NXNL2: variants seen among roughly 807,000 people sequenced by gnomAD.
NXNL2 encodes nucleoredoxin-like protein 2.
In NXNL2, 7 loss-of-function variants were observed where a neutral mutation model predicts 11.1. That is an observed-to-expected ratio of 0.63 (90% confidence interval 0.36 to 1.18). NXNL2 has a LOEUF of 1.18. NXNL2 is among the 50% of genes most tolerant of loss of function. The pLI is 0.02. For missense variants in NXNL2, 233 were observed against 217.7 expected (o/e 1.07, Z -0.44); for synonymous variants, 109 against 101.8 (o/e 1.07, Z -0.42).
At chr9:88,579,278 G>A (rs148401433), downstream of NXNL2, among the ~76,000 whole-genome samples, 52 of 152,282 alleles carry the variant, frequency 3.4e-4, no homozygotes, top group African/African-American at 1.3e-3. Context: ...GGTTGCGGGA[G>A]GCCCCTGCAA....
chr9:88,557,918 T>C lies in NXNL2; in HGVS notation c.303-13169T>C, dbSNP rs527387518. 8.5e-5 allele frequency among the ~76,000 whole-genome samples: 13 copies of C among 152,350 alleles called. No individual in the cohort carries two copies. The East Asian group carries it at 2.5e-3, about 29-fold the overall frequency. On this transcript the variant is annotated intron_variant, in intron 1 of 2. Coordinates refer to the NXNL2 transcript ENST00000375855. ...CCTGCAACAATTTTTCTGCCCTTGC[T>C]TCATTCAGCAGACATCACTGAGAAC...
At position 88,540,104 on chromosome 9, in the gene NXNL2, G is replaced by A. The variant is rs1042821486; in HGVS notation, c.303-4275G>A. Among the ~76,000 whole-genome samples, 62 of 152,076 alleles carry A rather than the reference G, an allele frequency of 4.1e-4. 1 individual carries two copies. The highest frequency in any genetic ancestry group is 1.5e-3 in the African/African-American group (61 of 41,534). On this transcript the variant is annotated intron_variant, in intron 1 of 1. Transcript: ENST00000375854. Reference sequence around the variant, plus strand: ...TCCCAGCACTTTGGGAGGCCGAGGCGGGTGGATCACAAAGTCAGGAGATCG... The same window carrying A: ...TCCCAGCACTTTGGGAGGCCGAGGCAGGTGGATCACAAAGTCAGGAGATCG...
chr9:88,536,597 C>T (rs192011197), intron 1 of NXNL2, among the ~76,000 whole-genome samples: 1 of 152,228 alleles, frequency 6.6e-6, no homozygotes, highest in East Asian at 1.9e-4. Context: ...TTTACAGCCT[C>T]ACATTTCTGG....
chr9:88,543,626 G>T (rs1477325610), intron 1 of NXNL2, among the ~76,000 whole-genome samples: 1 of 152,094 alleles, frequency 6.6e-6, no homozygotes, highest in Non-Finnish European at 1.5e-5. Flanking sequence ...AGATGTAGAG[G>T]ACATAAAAAA....
chr9:88,540,935 ATTTTTTTTTTTTTTTTT>A (rs71507764), intron 1 of NXNL2, among the ~76,000 whole-genome samples: 1 of 91,074 alleles, frequency 1.1e-5, no homozygotes, highest in Admixed American at 1.3e-4. Context: ...ATCTCAGTAG[ATTTTTTTTTTTTTTTTT>A]TTTTTTTTTT....
At chr9:88,538,983 A>G (rs1028039777) in intron 1 of NXNL2, among the ~76,000 whole-genome samples, 2 of 152,182 alleles carry the variant, frequency 1.3e-5, no homozygotes, top group African/African-American at 4.8e-5. Context: ...GGAGGGTCAC[A>G]GATGCTGAGC....
Position 88,544,553 on chromosome 9 carries a change from G to C in NXNL2, c.*6G>C. The C allele has an allele frequency of 1.3e-6, 2 of 1,523,708 alleles. No individual in the cohort carries two copies. The highest frequency in any genetic ancestry group is 1.8e-6 in the Non-Finnish European group (2 of 1,132,646). The allele number at this position is 1,523,708 out of a possible 1,614,324, so 94.4% of individuals were successfully genotyped here. ...TCCAGAATTTCTCCGTTTGAAGTGG[G>C]AGGGACCTCAGAGGGCCAGGACAGG... is the stretch of plus-strand genomic sequence containing the variant. On this transcript the variant is annotated 3_prime_UTR_variant, in exon 2 of 2. Transcript: ENST00000375854.
downstream of NXNL2, among the ~76,000 whole-genome samples, chr9:88,546,552 A>T (rs1829848940): frequency 6.7e-6 from 1 of 149,278 alleles, no homozygotes; most frequent in South Asian, 2.1e-4. Context: ...AGTAGCTGGG[A>T]TTAGAGGCGC....
intron 1 of NXNL2, among the ~76,000 whole-genome samples, chr9:88,551,300 T>C (rs1357747914): frequency 6.6e-6 from 1 of 152,196 alleles, no homozygotes; most frequent in Non-Finnish European, 1.5e-5. Flanking sequence ...TCCTAGTTTT[T>C]GAATGTTGGA....
chr9:88,562,216 C>G (rs1231447183), intron 1 of NXNL2, among the ~76,000 whole-genome samples: 1 of 152,008 alleles, frequency 6.6e-6, no homozygotes, highest in Non-Finnish European at 1.5e-5. Flanking sequence ...ATAGAAAATA[C>G]AAAAGCAGAG....
intron 2 of NXNL2, chr9:88,571,261 G>C: frequency 3.9e-6 from 1 of 258,960 alleles, no homozygotes; most frequent in Non-Finnish European, 7.6e-6. Flanking sequence ...TAGAGACAGG[G>C]TTTCACCATG....
chr9:88,544,172 AAAAAAGAAAAAG>A (rs754295788), intron 1 of NXNL2, among the ~76,000 whole-genome samples, 195 bp from the exon 2 acceptor site: 11 of 152,288 alleles, frequency 7.2e-5, no homozygotes, highest in Admixed American at 3.9e-4. Flanking sequence ...ACTCCATCTC[AAAAAAGAAAAAG>A]AAAAAGAAAA....
chr9:88,577,103 C>T (rs753803467), downstream of NXNL2, among the ~76,000 whole-genome samples: 6 of 152,180 alleles, frequency 3.9e-5, no homozygotes, highest in East Asian at 5.8e-4. Context: ...GTGGGGTGAC[C>T]GTGCTGAAAC....
At chr9:88,555,674 G>A (rs1330886856) in intron 1 of NXNL2, among the ~76,000 whole-genome samples, 1 of 152,122 alleles carries the variant, frequency 6.6e-6, no homozygotes, top group Non-Finnish European at 1.5e-5. Flanking sequence ...CGATTCTTTC[G>A]GTGCCGCTTT....
intron 1 of NXNL2, among the ~76,000 whole-genome samples, chr9:88,537,650 T>C (rs1330591974): frequency 6.6e-6 from 1 of 152,202 alleles, no homozygotes; most frequent in Non-Finnish European, 1.5e-5. Context: ...AGGACCTTGG[T>C]GTTCCCATCT....
chr9:88,575,639 G>C (rs560528202), exon 3 of NXNL2: 15 of 152,212 alleles, frequency 9.9e-5, no homozygotes, highest in Admixed American at 5.9e-4. Context: ...AGGTGGGAAT[G>C]GTTAATAGGT....
downstream of NXNL2, among the ~76,000 whole-genome samples, chr9:88,578,370 T>C (rs1482341847): frequency 1.3e-5 from 2 of 152,230 alleles, no homozygotes; most frequent in Non-Finnish European, 2.9e-5. Context: ...GGTCAGGATC[T>C]TTGCAGTTGG....
rs12682731 is a variant in NXNL2, at chr9:88,563,279, G to A, written c.303-7808G>A. Reference sequence around the variant, plus strand: ...ACACACACACGTGTGTGCACTTGGCGACTTTCTATTCTAACTTTTCTGCAC... The same window carrying A: ...ACACACACACGTGTGTGCACTTGGCAACTTTCTATTCTAACTTTTCTGCAC... On this transcript the variant is annotated intron_variant, in intron 1 of 2. Coordinates refer to the NXNL2 transcript ENST00000375855. Among the ~76,000 whole-genome samples the A allele has an allele frequency of 4.9e-3, 740 of 152,146 alleles. 9 individuals carry two copies. Among genetic ancestry groups the A allele is most frequent in the African/African-American group, 0.017 (693 of 41,540 alleles).
rs1830159939 is a variant in NXNL2, at chr9:88,565,759, G to A, written c.303-5328G>A. On this transcript the variant is annotated intron_variant, in intron 1 of 2. Transcript: ENST00000375855. ...ACCACATTGGCCAGGCTGTTCTTGAGCTTCTGAACTCATGTGATCCACCCA... is the reference window on the plus strand; with the variant it reads ...ACCACATTGGCCAGGCTGTTCTTGAACTTCTGAACTCATGTGATCCACCCA... 1.3e-5 allele frequency among the ~76,000 whole-genome samples: 2 copies of A among 152,048 alleles called. 1 individual carries two copies. Among genetic ancestry groups the A allele is most frequent in the East Asian group, 3.9e-4 (2 of 5,180 alleles).
Sources: gnomAD v4.1 joint callset for allele counts (sites outside exome capture counted in the v4.1 genomes callset) on GRCh38, gnomAD v4.1.1 for gene constraint, MANE v1.5 for transcripts, NCBI Gene and HGNC (gene_info 2026-07-23, HGNC 2026-07-21) for gene names.